CCDC88C: variants seen among roughly 807,000 people sequenced by gnomAD.
CCDC88C encodes the protein protein Daple.
A neutral mutation model predicts 198.8 loss-of-function variants in CCDC88C; 131 were observed. The ratio of observed to expected loss-of-function variants is 0.66; its 90% confidence interval spans 0.57 to 0.76. The LOEUF is 0.76. CCDC88C is among the 30% of genes least tolerant of loss of function. The pLI is 0.00. For missense variants in CCDC88C, 2,553 were observed against 2,631.6 expected, an observed-to-expected ratio of 0.97 and a Z score of 0.65; for synonymous variants, 1,166 against 1,114.7, an observed-to-expected ratio of 1.05 and a Z score of -0.92.
In CCDC88C at chr14:91,387,058, G is replaced by A. The variant is rs1320360660; in HGVS notation, c.270+21601C>T. Among the ~76,000 whole-genome samples the A allele has an allele frequency of 2.0e-5, 3 of 152,192 alleles. No homozygotes were observed. The East Asian group carries it at 5.8e-4, about 29-fold the overall frequency. ...GTTGTGATTCCCACTTTATGAATGT[G>A]GAAAATGAGGCATAAAGATGCAGAG... On this transcript the variant is annotated intron_variant, in intron 3 of 29. Transcript: ENST00000389857.
At chr14:91,292,890 AAAC>A (rs1409264723) in intron 23 of CCDC88C, among the ~76,000 whole-genome samples, 3 of 152,152 alleles carry the variant, frequency 2.0e-5, no homozygotes, top group African/African-American at 4.8e-5. Flanking sequence ...ATCCCTTCCA[AAAC>A]AACTCCAGGA....
intron 3 of CCDC88C, among the ~76,000 whole-genome samples, chr14:91,390,517 C>T (rs191028715): frequency 3.0e-4 from 45 of 152,326 alleles, no homozygotes; most frequent in African/African-American, 1.1e-3. Context: ...GGCAGTGACG[C>T]ACAGGCTGCC....
intron 26 of CCDC88C, 100 bp from the exon 27 acceptor site, chr14:91,281,625 G>C (rs1163638801): frequency 1.0e-6 from 1 of 996,444 alleles, no homozygotes; most frequent in Non-Finnish European, 1.6e-6. Context: ...AGTAGCTCCA[G>C]CTCTTGGGGA....
At chr14:91,295,896 G>C (rs1449593542) in intron 22 of CCDC88C, among the ~76,000 whole-genome samples, 3 of 152,186 alleles carry the variant, frequency 2.0e-5, no homozygotes, top group Middle Eastern at 3.2e-3. Context: ...GATCCAATCT[G>C]ACTGATGTCC....
At chr14:91,351,376 A>G (rs1380940326) in intron 4 of CCDC88C, among the ~76,000 whole-genome samples, 1 of 152,172 alleles carries the variant, frequency 6.6e-6, no homozygotes, top group Non-Finnish European at 1.5e-5. Flanking sequence ...ACTCACTCAC[A>G]TGGGCACGGC....
intron 24 of CCDC88C, among the ~76,000 whole-genome samples, chr14:91,290,649 C>G (rs918397375): frequency 6.6e-6 from 1 of 152,260 alleles, no homozygotes; most frequent in African/African-American, 2.4e-5. Flanking sequence ...AAAATAGGAA[C>G]ATGGGTGTCC....
chr14:91,339,790 G>C lies in CCDC88C; in HGVS notation c.624+94C>G. The C allele has an allele frequency of 7.2e-7, 1 of 1,380,182 alleles. No homozygotes were observed. The highest frequency in any genetic ancestry group is 9.6e-7 in the Non-Finnish European group (1 of 1,040,906). The allele number at this position is 1,380,182 out of a possible 1,614,324, so 85.5% of individuals were successfully genotyped here. The stretch of plus-strand genomic sequence containing the variant: ...CACCCCCACCAGAACCTCAGCAGCA[G>C]GACCGAGGCGTCTAGGCTGAAGATG... On this transcript the variant is annotated intron_variant, in intron 7 of 29. Coordinates refer to ENST00000389857, the MANE Select transcript of CCDC88C (RefSeq NM_001080414.4). The surrounding 1 kb of genome is among the most constrained non-coding windows in gnomAD (Gnocchi z 5.8).
intron 4 of CCDC88C, among the ~76,000 whole-genome samples, chr14:91,359,119 T>A (rs529345277): frequency 6.6e-6 from 1 of 150,738 alleles, no homozygotes; most frequent in East Asian, 2.0e-4. Flanking sequence ...GTGGCCTCAC[T>A]GGCCTCTGCA....
In CCDC88C at chr14:91,338,313, G is replaced by A. The variant is rs552721197; in HGVS notation, c.892-150C>T. 20 of 1,038,458 alleles carry A rather than the reference G, an allele frequency of 1.9e-5. No homozygotes were observed. The highest frequency in any genetic ancestry group is 5.2e-5 in the East Asian group (2 of 38,832). 64.3% of individuals were successfully genotyped at this position (1,038,458 alleles called of 1,614,324 possible). ...GGGCCTCCATGTGCCACCACCACAC[G>A]GGATCTCCACCTGCTGTCACTAAGA... is the stretch of plus-strand genomic sequence containing the variant. On this transcript the variant is annotated intron_variant, in intron 9 of 29. Transcript: ENST00000389857. This position sits in a 1 kb window ranked among gnomAD's most constrained non-coding sequence, Gnocchi z 4.8.
chr14:91,384,054 T>A (rs1048840764), intron 3 of CCDC88C, among the ~76,000 whole-genome samples: 1 of 152,122 alleles, frequency 6.6e-6, no homozygotes, highest in African/African-American at 2.4e-5. Flanking sequence ...GGGCACCACA[T>A]CTGGGTACCA....
At position 91,288,091 on chromosome 14, in the gene CCDC88C, A is replaced by T. The variant is rs778634479; in HGVS notation, c.4441+1014T>A. Among the ~76,000 whole-genome samples, 8 of 152,242 alleles carry T rather than the reference A, an allele frequency of 5.3e-5. No individual in the cohort carries two copies. Among genetic ancestry groups the T allele is most frequent in the Non-Finnish European group, 1.0e-4 (7 of 68,048 alleles). ...TCCTATTTTCCTTTTACGTGTGTGTACAAAAATCGAATTCTTATTTAGAAA... is the reference window on the plus strand; with the variant it reads ...TCCTATTTTCCTTTTACGTGTGTGTTCAAAAATCGAATTCTTATTTAGAAA... On this transcript the variant is annotated intron_variant, in intron 25 of 29. Coordinates refer to ENST00000389857, the MANE Select transcript of CCDC88C (RefSeq NM_001080414.4). This position sits in a 1 kb window ranked among gnomAD's most constrained non-coding sequence, Gnocchi z 4.2.
chr14:91,275,826 T>TC (rs1411716472), intron 29 of CCDC88C, among the ~76,000 whole-genome samples: 1 of 134,972 alleles, frequency 7.4e-6, no homozygotes, highest in African/African-American at 2.8e-5. Context: ...TTCTTTTTTT[T>TC]TTTTTTTTTT....
chr14:91,315,785 A>G lies in CCDC88C; in HGVS notation c.1530T>C (p.Ile510=). 6.2e-7 allele frequency: 1 copy of G among 1,611,668 alleles called. No individual in the cohort carries two copies. Among genetic ancestry groups the G allele is most frequent in the Non-Finnish European group, 8.5e-7 (1 of 1,178,760 alleles). Residue 510 remains isoleucine (I), a splice_region_variant and synonymous_variant, in exon 14 of 30, where the codon ATT becomes ATC. Coordinates refer to ENST00000389857, the MANE Select transcript of CCDC88C (RefSeq NM_001080414.4). ...TCTCCAGCTGGGTTTGTAACTTTTC[A>G]ATCTGCAGAACCAAAAGACCCAGCC... ...EKENHQLSKK[I]EKLQTQLERE...
In CCDC88C at chr14:91,410,933, T is replaced by C. The variant is rs1054085144; in HGVS notation, c.162-2166A>G. ...GACATCTCCAGCACGTGCAAAGGCA[T>C]AGCATACACTCAGGGTCGGGAACCT... On this transcript the variant is annotated intron_variant, in intron 2 of 29. Coordinates refer to ENST00000389857, the MANE Select transcript of CCDC88C (RefSeq NM_001080414.4). Among the ~76,000 whole-genome samples the C allele has an allele frequency of 2.6e-5, 4 of 152,138 alleles. No individual in the cohort carries two copies. In the South Asian group the frequency reaches 8.3e-4, roughly 31 times the overall value.
intron 3 of CCDC88C, among the ~76,000 whole-genome samples, chr14:91,403,075 T>C (rs1185696350): frequency 6.6e-6 from 1 of 152,124 alleles, no homozygotes; most frequent in Non-Finnish European, 1.5e-5. Flanking sequence ...CACCCCCTTT[T>C]GCTTGAAGGA....
chr14:91,277,335 T>G (rs1286648562), intron 29 of CCDC88C, among the ~76,000 whole-genome samples: 6 of 152,200 alleles, frequency 3.9e-5, no homozygotes, highest in Admixed American at 3.9e-4. Flanking sequence ...TTTTAATTGG[T>G]CAAAAAGAAA....
At chr14:91,324,327 C>G (rs996967138) in intron 12 of CCDC88C, among the ~76,000 whole-genome samples, 1 of 152,210 alleles carries the variant, frequency 6.6e-6, no homozygotes, top group African/African-American at 2.4e-5. Flanking sequence ...CCCTCCCCAC[C>G]CAGGAGAGAG....
chr14:91,305,163 A>G (rs960762571), intron 19 of CCDC88C, among the ~76,000 whole-genome samples: 2 of 152,194 alleles, frequency 1.3e-5, no homozygotes, highest in Non-Finnish European at 2.9e-5. Context: ...GCACCACTGC[A>G]CTCCAGCCTG....
chr14:91,297,138 C>A (rs1054208982), intron 22 of CCDC88C, among the ~76,000 whole-genome samples, 167 bp downstream of exon 22: 1 of 152,222 alleles, frequency 6.6e-6, no homozygotes, highest in Non-Finnish European at 1.5e-5. Flanking sequence ...GCCACAATGA[C>A]CCCCGTCAGC....
Sources: gnomAD v4.1 joint callset for allele counts (sites outside exome capture counted in the v4.1 genomes callset) on GRCh38, gnomAD v4.1.1 for gene constraint, Gnocchi (gnomAD v3.1) non-coding constraint, MANE v1.5 for transcripts, NCBI Gene and HGNC (gene_info 2026-07-23, HGNC 2026-07-21) for gene names.